The following CCDC91 variants were observed in gnomAD, a reference collection of about 807,000 sequenced individuals.
CCDC91 encodes coiled-coil domain containing 91.
In CCDC91, 48 loss-of-function variants were observed where a neutral mutation model predicts 63.2. The observed-to-expected ratio is 0.76, with a 90% CI of 0.60 to 0.97. CCDC91 has a LOEUF of 0.97. Among genes scored for constraint, CCDC91 ranks in the 50% least tolerant of loss-of-function variants. CCDC91 has a pLI of 0.00. For synonymous variants in CCDC91, 167 were observed against 165.8 expected, an observed-to-expected ratio of 1.01 and a Z score of -0.06; for missense variants, 500 against 494.6, an observed-to-expected ratio of 1.01 and a Z score of -0.10.
intron 1 of CCDC91, among the ~76,000 whole-genome samples, chr12:28,210,700 C>G (rs1206607417): frequency 6.6e-6 from 1 of 152,018 alleles, no homozygotes; most frequent in Non-Finnish European, 1.5e-5. Context: ...CCAGGACAAA[C>G]AGCTGATATT....
intron 1 of CCDC91, among the ~76,000 whole-genome samples, chr12:28,231,810 A>C (rs1592055208): frequency 6.6e-6 from 1 of 152,272 alleles, no homozygotes; most frequent in South Asian, 2.1e-4. Flanking sequence ...TGGAGATATC[A>C]CATATAATTT....
chr12:28,366,278 C>G (rs918035473), intron 7 of CCDC91, among the ~76,000 whole-genome samples: 2 of 152,058 alleles, frequency 1.3e-5, no homozygotes, highest in Non-Finnish European at 1.5e-5. Flanking sequence ...GTGGGTTCCC[C>G]GGATTTTCTT....
chr12:28,261,988 T>C (rs1191185510), intron 3 of CCDC91, among the ~76,000 whole-genome samples: 1 of 152,040 alleles, frequency 6.6e-6, no homozygotes, highest in African/African-American at 2.4e-5. Context: ...ACATGGTGCA[T>C]GTTTGCTCAG....
intron 8 of CCDC91, among the ~76,000 whole-genome samples, chr12:28,416,637 A>T (rs1333187539): frequency 6.6e-6 from 1 of 152,188 alleles, no homozygotes; most frequent in Non-Finnish European, 1.5e-5. Context: ...TCGGGAGAAG[A>T]ATTTGATGAG....
intron 8 of CCDC91, among the ~76,000 whole-genome samples, chr12:28,419,521 A>AT (rs1316829629): frequency 6.6e-6 from 1 of 152,182 alleles, no homozygotes; most frequent in Admixed American, 6.6e-5. Context: ...AAGTAAGCAG[A>AT]TGTAGCAGTA....
chr12:28,257,522 TA>T (rs1946533312), intron 2 of CCDC91, among the ~76,000 whole-genome samples: 1 of 152,266 alleles, frequency 6.6e-6, no homozygotes, highest in South Asian at 2.1e-4. Flanking sequence ...GGAAAGATTT[TA>T]AAAATTGTCA....
intron 12 of CCDC91, among the ~76,000 whole-genome samples, chr12:28,511,337 A>G (rs891207547): frequency 3.3e-5 from 5 of 151,910 alleles, no homozygotes; most frequent in Non-Finnish European, 5.9e-5. Context: ...GAAATCTTCC[A>G]AAGGTTTTCC....
At chr12:28,470,766 A>T (rs1464741619) in intron 11 of CCDC91, among the ~76,000 whole-genome samples, 1 of 152,164 alleles carries the variant, frequency 6.6e-6, no homozygotes, top group African/African-American at 2.4e-5. Context: ...GAAATGAATT[A>T]TGTCATCCTT....
At chr12:28,368,343 C>T (rs1256533198) in intron 7 of CCDC91, among the ~76,000 whole-genome samples, 2 of 152,128 alleles carry the variant, frequency 1.3e-5, no homozygotes, top group African/African-American at 4.8e-5. Flanking sequence ...TTTTTGGTGA[C>T]TTTAATTCTT....
chr12:28,394,267 C>A (rs374348297), intron 8 of CCDC91, among the ~76,000 whole-genome samples: 1 of 152,092 alleles, frequency 6.6e-6, no homozygotes, highest in Non-Finnish European at 1.5e-5. Context: ...AAGATTGAGA[C>A]CATCCTGGCT....
rs372587811 is a variant in CCDC91 at position 28,352,089 on chromosome 12, G to A, written c.577-10349G>A. On this transcript the variant is annotated intron_variant, in intron 6 of 12. Transcript: ENST00000536442. Reference sequence around the variant, plus strand: ...ATAAAAGTTACATTTATACTATACCGTAGATTATTGTATGTAATACCATTC... The same window carrying A: ...ATAAAAGTTACATTTATACTATACCATAGATTATTGTATGTAATACCATTC... Among the ~76,000 whole-genome samples the A allele has an allele frequency of 2.4e-4, 36 of 152,206 alleles. No homozygotes were observed. The South Asian group carries it at 2.9e-3, about 12-fold the overall frequency.
intron 1 of CCDC91, among the ~76,000 whole-genome samples, chr12:28,221,352 A>G (rs1367791924): frequency 6.6e-6 from 1 of 151,726 alleles, no homozygotes; most frequent in Non-Finnish European, 1.5e-5. Flanking sequence ...GATTCTCTCC[A>G]TCTCTCTCAT....
At chr12:28,544,318 T>C (rs755958404) in intron 12 of CCDC91, among the ~76,000 whole-genome samples, 3 of 151,850 alleles carry the variant, frequency 2.0e-5, no homozygotes, top group Non-Finnish European at 4.4e-5. Context: ...GAGAATTTCT[T>C]TCCCCATGTT....
At chr12:28,332,970 T>G (rs1252967425) in intron 6 of CCDC91, among the ~76,000 whole-genome samples, 1 of 152,002 alleles carries the variant, frequency 6.6e-6, no homozygotes, top group Non-Finnish European at 1.5e-5. Context: ...GCAAAAACTG[T>G]GAAAAACATG....
At chr12:28,396,914 G>C (rs1208886080) in intron 8 of CCDC91, among the ~76,000 whole-genome samples, 2 of 152,052 alleles carry the variant, frequency 1.3e-5, no homozygotes, top group East Asian at 1.9e-4. Flanking sequence ...GTTGAATCCA[G>C]GGTGGAGAAC....
intron 6 of CCDC91, among the ~76,000 whole-genome samples, chr12:28,312,119 T>C (rs1291746196): frequency 6.6e-6 from 1 of 152,018 alleles, no homozygotes; most frequent in Non-Finnish European, 1.5e-5. Flanking sequence ...AAATTTTAGT[T>C]ATTCTTTGTT....
At chr12:28,246,652 C>T (rs1298990895) in intron 1 of CCDC91, among the ~76,000 whole-genome samples, 1 of 151,974 alleles carries the variant, frequency 6.6e-6, no homozygotes, top group African/African-American at 2.4e-5. Flanking sequence ...AATAGTTATA[C>T]AGTATAATGA....
chr12:28,421,082 G>A (rs892456076), intron 8 of CCDC91, among the ~76,000 whole-genome samples: 29 of 151,884 alleles, frequency 1.9e-4, no homozygotes, highest in African/African-American at 6.8e-4. Flanking sequence ...TATTGTTCAT[G>A]TTATTGTTAA....
chr12:28,362,280 T>TATATATATATATATATA (rs1943940766), intron 6 of CCDC91, among the ~76,000 whole-genome samples, 158 bp from the exon 7 acceptor site: 2 of 131,832 alleles, frequency 1.5e-5, no homozygotes, highest in East Asian at 4.0e-4. Flanking sequence ...AAGCAAAGCT[T>TATATATATATATATATA]TATATATATA....
Sources: allele counts gnomAD v4.1 joint callset (sites outside exome capture counted in the v4.1 genomes callset), GRCh38; gene constraint gnomAD v4.1.1; transcripts MANE v1.5; gene names NCBI Gene and HGNC (gene_info 2026-07-23, HGNC 2026-07-21).